Variants in ZNF454 observed in about 807,000 individuals in gnomAD.
ZNF454 encodes zinc finger protein 454.
In ZNF454, 30 loss-of-function variants were observed where a neutral mutation model predicts 48.2. That is an observed-to-expected ratio of 0.62 (90% CI 0.47 to 0.84). ZNF454 has a LOEUF of 0.84. Ranked by LOEUF, ZNF454 falls within the 40% of genes least tolerant of loss-of-function variation. ZNF454 has a pLI of 0.00. For synonymous variants in ZNF454, 204 were observed against 211.4 expected (o/e 0.97, Z 0.30); for missense variants, 510 against 623.1 (o/e 0.82, Z 1.93).
At chr5:178,942,160 T>C (rs1209676742) in intron 1 of ZNF454, among the ~76,000 whole-genome samples, 1 of 152,090 alleles carries the variant, frequency 6.6e-6, no homozygotes, top group Admixed American at 6.5e-5. Context: ...TCCCAGTACT[T>C]TGGGAGGCCG....
intron 4 of ZNF454, among the ~76,000 whole-genome samples, chr5:178,951,533 C>G (rs905901044): frequency 1.3e-5 from 2 of 152,202 alleles, no homozygotes; most frequent in Admixed American, 6.5e-5. Context: ...TGCTTTAAAA[C>G]TTAACATGTA....
At position 178,965,414 on chromosome 5, in the gene ZNF454, T is replaced by C. The variant is rs1433026703; in HGVS notation, c.1010T>C (p.Phe337Ser). ...AAATGCAATGAATGTGGAAAAGCCT[T>C]TAATCAGAGTACAAGTTTCCTTCAG... ...PYKCNECGKA[F>S]NQSTSFLQHQ... Residue 337 changes from phenylalanine (F) to serine (S), a missense_variant, in exon 5 of 5, where the codon TTT (phenylalanine) becomes TCT (serine). By Grantham distance (155) the Phe-to-Ser change is radical (BLOSUM62 -2). Transcript: ENST00000519564. This position sits in a 1 kb window ranked among gnomAD's most constrained non-coding sequence, Gnocchi z 5.2. 6.2e-7 allele frequency: 1 copy of C among 1,614,160 alleles called. No individual in the cohort carries two copies. Among genetic ancestry groups the C allele is most frequent in the African/African-American group, 1.3e-5 (1 of 75,038 alleles).
At chr5:178,983,650 C>T in the ZNF454 span, 3 of 339,432 alleles carry the variant, frequency 8.8e-6, no homozygotes, top group African/African-American at 2.2e-5. Context: ...GTGTACTGAG[C>T]TTCAAAATCA....
chr5:178,957,401 A>C (rs1436004403), intron 4 of ZNF454, among the ~76,000 whole-genome samples: 1 of 151,576 alleles, frequency 6.6e-6, no homozygotes, highest in East Asian at 2.0e-4. Flanking sequence ...TTTTATTTTT[A>C]TTTTTTATTT....
At chr5:178,954,109 T>G (rs1208238996) in intron 4 of ZNF454, among the ~76,000 whole-genome samples, 1 of 151,916 alleles carries the variant, frequency 6.6e-6, no homozygotes, top group Non-Finnish European at 1.5e-5. Context: ...AATACAAAAA[T>G]TAGCCGGGTG....
At position 178,941,391 on chromosome 5, in the gene ZNF454, G is replaced by C; in HGVS notation, c.-161G>C. 2.2e-6 allele frequency: 1 copy of C among 456,694 alleles called. No homozygotes were observed. Among genetic ancestry groups the C allele is most frequent in the Non-Finnish European group, 4.4e-6 (1 of 226,926 alleles). The allele number at this position is 456,694 out of a possible 1,614,324, so 28.3% of individuals were successfully genotyped here. A position where few individuals can be genotyped will look rare whatever the true frequency, so the allele number is the denominator to read the frequency against. ...GGCGGAGGCAAAGCCGAGGAGGTGC[G>C]GGTTGTGGTCCATTCTGGAGGACGC... is the stretch of plus-strand genomic sequence containing the variant. On this transcript the variant is annotated 5_prime_UTR_variant, in exon 1 of 5. Transcript: ENST00000519564. This position sits in a 1 kb window ranked among gnomAD's most constrained non-coding sequence, Gnocchi z 5.5.
the ZNF454 span, chr5:178,982,966 T>C: frequency 1.2e-6 from 2 of 1,614,166 alleles, no homozygotes; most frequent in Non-Finnish European, 1.7e-6. Context: ...AGCCAGATGA[T>C]GCAGGTGGTG....
the ZNF454 span, among the ~76,000 whole-genome samples, chr5:178,984,775 C>T: frequency 1.2e-3 from 185 of 152,222 alleles, no homozygotes; most frequent in South Asian, 0.014. Context: ...AGGCACGTGG[C>T]GTGTGTGGAA....
chr5:178,976,308 G>A, the ZNF454 span: 3 of 255,456 alleles, frequency 1.2e-5, no homozygotes, highest in Non-Finnish European at 1.6e-5. Flanking sequence ...GGTTAGTTTT[G>A]TATGTTGTTT....
At chr5:178,985,441 C>T in the ZNF454 span, among the ~76,000 whole-genome samples, 27 of 151,730 alleles carry the variant, frequency 1.8e-4, no homozygotes, top group South Asian at 1.7e-3. Context: ...CAGCGGCTCC[C>T]GCCTGTCATC....
downstream of ZNF454, among the ~76,000 whole-genome samples, chr5:178,967,448 C>G (rs1205549780): frequency 6.6e-6 from 1 of 152,194 alleles, no homozygotes; most frequent in Non-Finnish European, 1.5e-5. Context: ...CCTGCTTTTT[C>G]TAGGTTTCTG....
intron 2 of ZNF454, among the ~76,000 whole-genome samples, chr5:178,943,602 G>T (rs57438229): frequency 2.6e-5 from 4 of 152,126 alleles, no homozygotes; most frequent in African/African-American, 9.7e-5. Flanking sequence ...TTTCTGGGGA[G>T]GTGTGATTTA....
the ZNF454 span, among the ~76,000 whole-genome samples, chr5:178,983,908 G>A: frequency 6.6e-6 from 1 of 152,216 alleles, no homozygotes; most frequent in Non-Finnish European, 1.5e-5. Context: ...TTCACTGTAC[G>A]AGAGCGCCTG....
chr5:178,943,351 C>T (rs925514385), intron 2 of ZNF454, among the ~76,000 whole-genome samples: 11 of 152,078 alleles, frequency 7.2e-5, no homozygotes, highest in African/African-American at 2.7e-4. Flanking sequence ...AGTGGGAGGT[C>T]CTAGACTCTT....
chr5:178,984,902 A>C, the ZNF454 span, among the ~76,000 whole-genome samples: 1 of 152,098 alleles, frequency 6.6e-6, no homozygotes, highest in African/African-American at 2.4e-5. Flanking sequence ...CTGGCCCTGC[A>C]GTGTCACACC....
chr5:178,987,205 G>A, the ZNF454 span: 64 of 681,670 alleles, frequency 9.4e-5, no homozygotes, highest in African/African-American at 4.9e-4. Flanking sequence ...TGGAGAAGTC[G>A]GAACCCTTGT....
chr5:178,942,720 C>G lies in ZNF454; in HGVS notation c.-72C>G. ...GACCCTTCTAGCCTGAGGAGTCCTGCAGGTGTGAAGCTCCACACCTGCCTC... is the reference window on the plus strand; with the variant it reads ...GACCCTTCTAGCCTGAGGAGTCCTGGAGGTGTGAAGCTCCACACCTGCCTC... On this transcript the variant is annotated 5_prime_UTR_variant, in exon 2 of 5. Transcript: ENST00000519564. 2.6e-6 allele frequency: 4 copies of G among 1,564,482 alleles called. No individual in the cohort carries two copies. The highest frequency in any genetic ancestry group is 3.5e-6 in the Non-Finnish European group (4 of 1,135,692).
At chr5:178,981,918 G>A in the ZNF454 span, 1 of 979,436 alleles carries the variant, frequency 1.0e-6, no homozygotes, top group Non-Finnish European at 1.7e-6. This position sits in a 1 kb window ranked among gnomAD's most constrained non-coding sequence, Gnocchi z 5.1. Flanking sequence ...GCTCCACACA[G>A]TCCTCACCAC....
At chr5:178,981,752 G>A in the ZNF454 span, 1 of 1,613,584 alleles carries the variant, frequency 6.2e-7, no homozygotes. This position sits in a 1 kb window ranked among gnomAD's most constrained non-coding sequence, Gnocchi z 5.1. Flanking sequence ...TTCTGCTCTG[G>A]ATGGAAGAGG....
Sources: gnomAD v4.1 joint callset for allele counts (sites outside exome capture counted in the v4.1 genomes callset) on GRCh38, gnomAD v4.1.1 for gene constraint, Gnocchi (gnomAD v3.1) non-coding constraint, MANE v1.5 for transcripts, NCBI Gene and HGNC (gene_info 2026-07-23, HGNC 2026-07-21) for gene names.